Variants in LNX1 observed in about 807,000 individuals in gnomAD.
The protein encoded by LNX1 is ligand of numb-protein X 1.
Under a neutral mutation model 68.4 loss-of-function variants are expected in LNX1, and 54 were observed. The observed-to-expected ratio is 0.79, with a 90% confidence interval of 0.63 to 0.99. The LOEUF (loss-of-function observed/expected upper bound fraction) is 0.99, where lower values mean the gene tolerates loss of function less well. Among genes scored for constraint, LNX1 ranks in the 50% least tolerant of loss-of-function variants. The pLI is 0.00. For synonymous variants in LNX1, 336 were observed against 350.0 expected, an observed-to-expected ratio of 0.96 and a Z score of 0.45; for missense variants, 906 against 926.4, an observed-to-expected ratio of 0.98 and a Z score of 0.29.
In LNX1 at chr4:53,573,597, TACCGGCTCGCTGATGGGGG is replaced by T; in HGVS notation, c.380+7_380+25del. 1 of 1,561,416 alleles carries T rather than the reference TACCGGCTCGCTGATGGGGG, an allele frequency of 6.4e-7. No homozygotes were observed. The highest frequency in any genetic ancestry group is 8.7e-7 in the Non-Finnish European group (1 of 1,145,254). On this transcript the variant is annotated splice_region_variant and intron_variant, in intron 2 of 10. Coordinates refer to ENST00000263925, the MANE Select transcript of LNX1 (RefSeq NM_001126328.3). Reference sequence around the variant, plus strand: ...AGCTGTCCCGCTTGGGGGTGGGACTTACCGGCTCGCTGATGGGGGACCTACCTGGTTTGAAAGTGATGCT... The same window carrying T: ...AGCTGTCCCGCTTGGGGGTGGGACTTACCTACCTGGTTTGAAAGTGATGCT...
chr4:53,612,709 T>C (rs2109850130), intron 2 of LNX1, among the ~76,000 whole-genome samples: 1 of 151,444 alleles, frequency 6.6e-6, no homozygotes, highest in South Asian at 2.1e-4. Flanking sequence ...TTTTGTATTT[T>C]TTTTTTTTGT....
chr4:53,510,877 T>C (rs192920543), intron 2 of LNX1, among the ~76,000 whole-genome samples: 1 of 152,328 alleles, frequency 6.6e-6, no homozygotes, highest in Admixed American at 6.5e-5. Context: ...GGACACAGCA[T>C]GTCCTAGTAA....
chr4:53,562,103 T>C (rs1180159506), intron 2 of LNX1, among the ~76,000 whole-genome samples: 2 of 152,240 alleles, frequency 1.3e-5, no homozygotes, highest in Non-Finnish European at 2.9e-5. Context: ...CCTTGCTAAA[T>C]ACTGTGTATG....
At chr4:53,485,520 A>G (rs6810557) in intron 6 of LNX1, among the ~76,000 whole-genome samples, 107,081 of 152,122 alleles carry the variant, frequency 0.7, 39,095 homozygotes, top group Non-Finnish European at 0.81. Flanking sequence ...TAAGTTGTTG[A>G]CAGGAATAAC....
intron 2 of LNX1, among the ~76,000 whole-genome samples, chr4:53,549,938 G>A (rs1368549869): frequency 6.6e-6 from 1 of 152,214 alleles, no homozygotes; most frequent in Non-Finnish European, 1.5e-5. Context: ...AAGCATCAGA[G>A]TGGCATCTTG....
chr4:53,461,025 A>C lies in LNX1; in HGVS notation c.2069T>G (p.Leu690Arg), dbSNP rs1264463938. 6.3e-7 allele frequency: 1 copy of C among 1,582,006 alleles called. No individual in the cohort carries two copies. The highest frequency in any genetic ancestry group is 8.6e-7 in the Non-Finnish European group (1 of 1,169,558). Residue 690 changes from leucine to arginine, a missense_variant, in exon 11 of 11, where the codon CTT becomes CGT. Transcript: ENST00000263925. Reference sequence around the variant, plus strand: ...TGATGTACTTCTACCATTGACAGCAAGAAGAATATCACCACATCTAAAAAA... The same window carrying C: ...TGATGTACTTCTACCATTGACAGCACGAAGAATATCACCACATCTAAAAAA... ...DGRIRCGDIL[L>R]AVNGRSTSGM... is the part of the protein sequence containing the mutation.
chr4:53,624,645 G>A (rs965002840), intron 1 of LNX1, among the ~76,000 whole-genome samples: 1 of 152,074 alleles, frequency 6.6e-6, no homozygotes, highest in African/African-American at 2.4e-5. Context: ...CTCCCACCAT[G>A]CTGAAATTAT....
At chr4:53,554,314 G>T (rs1191685477) in intron 2 of LNX1, among the ~76,000 whole-genome samples, 1 of 152,158 alleles carries the variant, frequency 6.6e-6, no homozygotes, top group Non-Finnish European at 1.5e-5. Context: ...TTTGAACCTG[G>T]TGTCTTTCCC....
At chr4:53,520,515 T>TG (rs1187993703) in intron 2 of LNX1, among the ~76,000 whole-genome samples, 17 of 152,136 alleles carry the variant, frequency 1.1e-4, no homozygotes, top group African/African-American at 3.4e-4. Flanking sequence ...CTCCATACTT[T>TG]GGGGAGGGGG....
At position 53,507,421 on chromosome 4, in the gene LNX1, A is replaced by T; in HGVS notation, c.671T>A (p.Ile224Lys). The change falls in exon 4 of 11, where the codon ATA becomes AAA. Residue 224 changes from isoleucine to lysine, a missense_variant. Physicochemically the swap from Ile to Lys is moderately radical, Grantham distance 102 (BLOSUM62 -3). Transcript: ENST00000263925. ...STIRSRSFKK[I>K]NRALSVLRRT... is the part of the protein sequence containing the mutation. ...TCGAAGAACACTCAAAGCTCGATTT[A>T]TTTTTTTAAATGATCTGCTTCTAAT... 6.2e-7 allele frequency: 1 copy of T among 1,614,092 alleles called. No individual in the cohort carries two copies. Among genetic ancestry groups the T allele is most frequent in the East Asian group, 2.2e-5 (1 of 44,876 alleles).
intron 2 of LNX1, among the ~76,000 whole-genome samples, chr4:53,564,357 G>A (rs1730495917): frequency 6.6e-6 from 1 of 151,334 alleles, no homozygotes. Flanking sequence ...ATCCCTTCTG[G>A]CTTCACCCTC....
chr4:53,505,690 C>G (rs1317288126), intron 4 of LNX1, among the ~76,000 whole-genome samples: 2 of 152,196 alleles, frequency 1.3e-5, no homozygotes, highest in Non-Finnish European at 2.9e-5. Context: ...AGACACTGTG[C>G]TAGGCCTTAA....
intron 2 of LNX1, among the ~76,000 whole-genome samples, chr4:53,598,344 C>T (rs1732849186): frequency 1.3e-5 from 2 of 151,796 alleles, no homozygotes; most frequent in South Asian, 2.1e-4. Context: ...AGGGATTCTC[C>T]ACCTCAGCCT....
intron 2 of LNX1, among the ~76,000 whole-genome samples, chr4:53,526,804 G>A (rs1440629680): frequency 2.0e-5 from 3 of 151,320 alleles, no homozygotes; most frequent in African/African-American, 7.3e-5. Context: ...GAATTCCTTC[G>A]ACCTCTTCTG....
chr4:53,611,339 A>G (rs1006220625), intron 2 of LNX1, among the ~76,000 whole-genome samples: 2 of 152,188 alleles, frequency 1.3e-5, no homozygotes, highest in Non-Finnish European at 2.9e-5. Context: ...AAGAAATGGA[A>G]AGATGTGCCA....
In LNX1 at chr4:53,476,953, G is replaced by A. The variant is rs374591085; in HGVS notation, c.1692C>T (p.Val564=). 2.7e-5 allele frequency: 43 copies of A among 1,613,876 alleles called. No homozygotes were observed. Among genetic ancestry groups the A allele is most frequent in the Non-Finnish European group, 3.5e-5 (41 of 1,180,000 alleles). ...CACTCCGGCTGACCTCTGTCAGTTC[G>A]ACCCCATCCACATTCAACAAAATGT... ...TGDILLNVDG[V]ELTEVSRSEA... Residue 564 remains valine (V), a synonymous_variant, in exon 9 of 11, where the codon GTC becomes GTT. Transcript: ENST00000263925.
At chr4:53,526,010 T>A (rs559099148) in intron 2 of LNX1, among the ~76,000 whole-genome samples, 1 of 152,218 alleles carries the variant, frequency 6.6e-6, no homozygotes, top group African/African-American at 2.4e-5. Flanking sequence ...ATCAATAACT[T>A]GTTTATTGAC....
chr4:53,513,608 C>A (rs1374482585), intron 2 of LNX1, among the ~76,000 whole-genome samples: 1 of 152,236 alleles, frequency 6.6e-6, no homozygotes, highest in Admixed American at 6.5e-5. Context: ...GGCCAAAAAT[C>A]TCAGATTCAT....
chr4:53,629,260 C>T lies in LNX1; in HGVS notation c.-215+22908G>A, dbSNP rs546338421. Among the ~76,000 whole-genome samples, 226 of 152,264 alleles carry T rather than the reference C, an allele frequency of 1.5e-3. 2 individuals carry two copies. Among genetic ancestry groups the T allele is most frequent in the Non-Finnish European group, 2.8e-3 (190 of 68,030 alleles). On this transcript the variant is annotated intron_variant, in intron 1 of 2. Coordinates refer to the LNX1 transcript ENST00000507168. ...AATAGAGGGGTGGCTAAAGGTCCCTCCTCCCTGTCTCCAGCCACCCCTGGG... is the reference window on the plus strand; with the variant it reads ...AATAGAGGGGTGGCTAAAGGTCCCTTCTCCCTGTCTCCAGCCACCCCTGGG...
Sources: allele counts gnomAD v4.1 joint callset (sites outside exome capture counted in the v4.1 genomes callset), GRCh38; gene constraint gnomAD v4.1.1; transcripts MANE v1.5; gene names NCBI Gene and HGNC (gene_info 2026-07-23, HGNC 2026-07-21).